The following PTPRD variants were observed in gnomAD, a reference collection of about 807,000 sequenced individuals.
The protein encoded by PTPRD is protein tyrosine phosphatase receptor type D, also known as receptor-type tyrosine-protein phosphatase delta.
A neutral mutation model predicts 214.5 loss-of-function variants in PTPRD; 34 were observed. The observed-to-expected ratio is 0.16, with a 90% CI of 0.12 to 0.21. The LOEUF (loss-of-function observed/expected upper bound fraction) is 0.21, where lower values mean the gene tolerates loss of function less well. Ranked by LOEUF, PTPRD falls within the 10% of genes least tolerant of loss-of-function variation. The probability of loss-of-function intolerance (pLI) is 1.00; values close to 1 mark genes in which losing one functional copy is unlikely to be tolerated. For missense variants in PTPRD, 2,545 were observed against 2,398.7 expected (o/e 1.06, Z -1.27); for synonymous variants, 1,128 against 845.7 (o/e 1.33, Z -5.79).
chr9:8,341,027 T>A, intron 41 of PTPRD, 63 bp downstream of exon 41: 1 of 1,432,516 alleles, frequency 7.0e-7, no homozygotes, highest in Non-Finnish European at 9.4e-7. Flanking sequence ...TTATTCTGGT[T>A]ATTAAACTAG....
At chr9:8,898,922 CA>C (rs1214016005) in intron 11 of PTPRD, among the ~76,000 whole-genome samples, 1 of 151,988 alleles carries the variant, frequency 6.6e-6, no homozygotes, top group East Asian at 1.9e-4. Flanking sequence ...AACTCACTGA[CA>C]AAAGCAAAAA....
chr9:10,296,568 G>C (rs1035015516), intron 3 of PTPRD, among the ~76,000 whole-genome samples: 1 of 152,050 alleles, frequency 6.6e-6, no homozygotes, highest in Non-Finnish European at 1.5e-5. Context: ...CTTGGCTGCA[G>C]CACCCGATTA....
chr9:8,344,967 C>T (rs72710306), intron 39 of PTPRD, among the ~76,000 whole-genome samples: 5,803 of 151,844 alleles, frequency 0.038, 240 homozygotes, highest in Admixed American at 0.1. Context: ...TTTTAACATT[C>T]AGTCTCTAAA....
At chr9:9,273,343 G>C (rs147098763) in intron 9 of PTPRD, among the ~76,000 whole-genome samples, 2 of 151,136 alleles carry the variant, frequency 1.3e-5, no homozygotes, top group Non-Finnish European at 3.0e-5. Context: ...TGCCACAACA[G>C]TATGACAAAA....
intron 3 of PTPRD, among the ~76,000 whole-genome samples, chr9:10,090,955 C>T (rs1567624691): frequency 6.8e-6 from 1 of 147,980 alleles, no homozygotes; most frequent in Non-Finnish European, 1.5e-5. Flanking sequence ...CACACACACA[C>T]ACACATGCAT....
chr9:9,804,000 C>T (rs1379983257), intron 5 of PTPRD, among the ~76,000 whole-genome samples: 1 of 152,024 alleles, frequency 6.6e-6, no homozygotes, highest in Non-Finnish European at 1.5e-5. Flanking sequence ...AAGAATTATG[C>T]CCACATTGCT....
chr9:8,750,831 G>C (rs1309395801), intron 11 of PTPRD, among the ~76,000 whole-genome samples: 1 of 152,178 alleles, frequency 6.6e-6, no homozygotes, highest in Non-Finnish European at 1.5e-5. Flanking sequence ...CTGAAATGCA[G>C]TGGAAGACAC....
chr9:10,267,940 T>C (rs1564897583), intron 3 of PTPRD, among the ~76,000 whole-genome samples: 1 of 152,084 alleles, frequency 6.6e-6, no homozygotes, highest in Non-Finnish European at 1.5e-5. Flanking sequence ...GATTTACTTG[T>C]AGAGAAAATT....
intron 12 of PTPRD, among the ~76,000 whole-genome samples, chr9:8,702,265 A>AC (rs1379467687): frequency 1.3e-5 from 2 of 152,140 alleles, no homozygotes; most frequent in East Asian, 3.9e-4. Context: ...AAAGTAAAAA[A>AC]AAAAAAAATG....
At chr9:9,335,111 T>G (rs1001886966) in intron 9 of PTPRD, among the ~76,000 whole-genome samples, 1 of 152,042 alleles carries the variant, frequency 6.6e-6, no homozygotes, top group African/African-American at 2.4e-5. Context: ...CTGACAAAAT[T>G]ACATCAACTG....
chr9:9,738,562 G>C (rs1285746305), intron 6 of PTPRD, among the ~76,000 whole-genome samples: 2 of 148,708 alleles, frequency 1.3e-5, no homozygotes, highest in African/African-American at 5.0e-5. Flanking sequence ...TCCTGACCCA[G>C]CCTCCTTCTG....
chr9:9,616,878 T>C (rs79164075), intron 7 of PTPRD, among the ~76,000 whole-genome samples: 38,035 of 152,096 alleles, frequency 0.25, 5,499 homozygotes, highest in Non-Finnish European at 0.33. Flanking sequence ...TCTGAGAGAC[T>C]GTTTGTTATG....
chr9:9,198,658 A>C (rs1359526879), intron 9 of PTPRD, among the ~76,000 whole-genome samples: 4 of 152,208 alleles, frequency 2.6e-5, no homozygotes, highest in Admixed American at 1.3e-4. Flanking sequence ...ATGCAAACTT[A>C]GGAGTTAGTT....
intron 4 of PTPRD, among the ~76,000 whole-genome samples, chr9:9,991,675 C>CT (rs1214625294): frequency 6.6e-6 from 1 of 152,060 alleles, no homozygotes; most frequent in Non-Finnish European, 1.5e-5. Flanking sequence ...CCAAAATATA[C>CT]TTTTAAAACA....
At chr9:9,234,902 C>T (rs759178551) in intron 9 of PTPRD, among the ~76,000 whole-genome samples, 2 of 152,208 alleles carry the variant, frequency 1.3e-5, no homozygotes, top group South Asian at 2.1e-4. Context: ...ATTGTTCCAA[C>T]CTCTGACTGT....
At chr9:9,738,483 A>G (rs1474854866) in intron 6 of PTPRD, among the ~76,000 whole-genome samples, 1 of 111,640 alleles carries the variant, frequency 9.0e-6, no homozygotes, top group South Asian at 2.9e-4. Context: ...TTGCTCTGTC[A>G]CCCAGGTTAG....
intron 11 of PTPRD, among the ~76,000 whole-genome samples, chr9:8,929,099 G>C (rs1252420122): frequency 2.0e-5 from 3 of 152,082 alleles, no homozygotes; most frequent in African/African-American, 7.2e-5. Context: ...CTGAGACGAT[G>C]GGGTTTTCTA....
chr9:8,670,436 T>C lies in PTPRD; in HGVS notation c.65-33592A>G, dbSNP rs558809994. 3.3e-5 allele frequency among the ~76,000 whole-genome samples: 5 copies of C among 152,288 alleles called. No individual in the cohort carries two copies. In the East Asian group the frequency reaches 9.7e-4, roughly 30 times the overall value. The stretch of plus-strand genomic sequence containing the variant: ...TTGAATGTATGGATTATAGTCTACA[T>C]GTAAGTGAGATCATGCAATATTTTG... On this transcript the variant is annotated intron_variant, in intron 12 of 45. Coordinates refer to ENST00000381196, the MANE Select transcript of PTPRD (RefSeq NM_002839.4).
In PTPRD at chr9:10,056,406, C is replaced by T. The variant is rs142666251; in HGVS notation, c.-544-22616G>A. On this transcript the variant is annotated intron_variant, in intron 3 of 45. Coordinates refer to ENST00000381196, the MANE Select transcript of PTPRD (RefSeq NM_002839.4). ...GTGCAAAAAGTATCAATAAAAGATA[C>T]CCACAGGAGGATAACCTCTTTTATT... Among the ~76,000 whole-genome samples the T allele has an allele frequency of 4.6e-3, 686 of 150,724 alleles. 5 individuals are homozygous for T. The highest frequency in any genetic ancestry group is 0.016 in the African/African-American group (637 of 41,044).
Sources: allele counts gnomAD v4.1 joint callset (sites outside exome capture counted in the v4.1 genomes callset), GRCh38; gene constraint gnomAD v4.1.1; transcripts MANE v1.5; gene names NCBI Gene and HGNC (gene_info 2026-07-23, HGNC 2026-07-21).